Variants in CHST11 observed in about 807,000 individuals in gnomAD.
The protein encoded by CHST11 is carbohydrate sulfotransferase 11, also known as C4S-1.
CHST11 carries 9 observed loss-of-function variants against 30.4 expected under a neutral mutation model. That is an observed-to-expected ratio of 0.30 (90% CI 0.18 to 0.52). The LOEUF is 0.52. Among genes scored for constraint, CHST11 ranks in the 20% least tolerant of loss-of-function variants. The pLI is 0.97. For synonymous variants in CHST11, 152 were observed against 187.8 expected (o/e 0.81, Z 1.56); for missense variants, 348 against 460.6 (o/e 0.76, Z 2.24).
intron 2 of CHST11, among the ~76,000 whole-genome samples, chr12:104,678,194 C>CTTAG (rs1196782243): frequency 6.6e-6 from 1 of 152,206 alleles, no homozygotes; most frequent in Admixed American, 6.5e-5. Flanking sequence ...ATTGGCCTAT[C>CTTAG]TTAGGGCCCA....
intron 2 of CHST11, among the ~76,000 whole-genome samples, chr12:104,662,334 C>G (rs920882650): frequency 3.9e-5 from 6 of 152,164 alleles, no homozygotes; most frequent in Non-Finnish European, 7.3e-5. Flanking sequence ...GCAACTTTTA[C>G]CTACCTCGTG....
chr12:104,529,723 A>G (rs544076162), intron 1 of CHST11, among the ~76,000 whole-genome samples: 72 of 152,264 alleles, frequency 4.7e-4, no homozygotes, highest in African/African-American at 1.7e-3. Context: ...TATGGAAGGC[A>G]TGGCTCTTTC....
chr12:104,488,693 A>G (rs973739691), intron 1 of CHST11, among the ~76,000 whole-genome samples: 9 of 128,254 alleles, frequency 7.0e-5, no homozygotes, highest in Non-Finnish European at 1.1e-4. Flanking sequence ...GTGTATGCGT[A>G]TGTGTGTGTA....
At chr12:104,513,145 T>TGGGGGGGGGGGGGGGGGGGGGGGG (rs1565969854) in intron 1 of CHST11, among the ~76,000 whole-genome samples, 1 of 7,612 alleles carries the variant, frequency 1.3e-4, no homozygotes, top group African/African-American at 6.8e-4. Context: ...GGGTTGGGGG[T>TGGGGGGGGGGGGGGGGGGGGGGGG]GGGGAGGGAG....
chr12:104,493,150 G>A (rs149997394), intron 1 of CHST11, among the ~76,000 whole-genome samples: 1 of 152,320 alleles, frequency 6.6e-6, no homozygotes, highest in African/African-American at 2.4e-5. Flanking sequence ...ACCAAAAAAA[G>A]ATCGGAAAGT....
chr12:104,546,710 G>T (rs1416297676), intron 1 of CHST11, among the ~76,000 whole-genome samples: 1 of 152,110 alleles, frequency 6.6e-6, no homozygotes, highest in Non-Finnish European at 1.5e-5. Context: ...TTCCTGATAG[G>T]TTCCTGCAGC....
chr12:104,539,547 G>A (rs1192244501), intron 1 of CHST11, among the ~76,000 whole-genome samples: 2 of 152,144 alleles, frequency 1.3e-5, no homozygotes, highest in Admixed American at 1.3e-4. Context: ...ATTATAACAT[G>A]CTTGTAAGAA....
intron 2 of CHST11, among the ~76,000 whole-genome samples, chr12:104,651,939 C>T (rs1055281902): frequency 6.6e-6 from 1 of 152,184 alleles, no homozygotes; most frequent in Non-Finnish European, 1.5e-5. Context: ...GTTAACATTT[C>T]GTTCTCATTC....
intron 2 of CHST11, among the ~76,000 whole-genome samples, chr12:104,648,104 A>C (rs1014328852): frequency 6.6e-6 from 1 of 152,204 alleles, no homozygotes; most frequent in African/African-American, 2.4e-5. Flanking sequence ...TAAGGTATGA[A>C]TACAAGGAGG....
chr12:104,652,088 A>G (rs1351882718), intron 2 of CHST11, among the ~76,000 whole-genome samples: 1 of 152,136 alleles, frequency 6.6e-6, no homozygotes, highest in Non-Finnish European at 1.5e-5. Flanking sequence ...GGCTTGTGTG[A>G]CTGTCCCTAA....
chr12:104,499,495 C>T (rs1475391043), intron 1 of CHST11, among the ~76,000 whole-genome samples: 1 of 152,148 alleles, frequency 6.6e-6, no homozygotes, highest in African/African-American at 2.4e-5. Flanking sequence ...GTTCTGGGGC[C>T]AGACTGTGTA....
chr12:104,534,502 A>T (rs1198609356), intron 1 of CHST11, among the ~76,000 whole-genome samples: 1 of 152,226 alleles, frequency 6.6e-6, no homozygotes, highest in Non-Finnish European at 1.5e-5. Context: ...GATTTCAATG[A>T]ACTTTTTGCT....
intron 2 of CHST11, among the ~76,000 whole-genome samples, chr12:104,622,550 T>C (rs1382034728): frequency 6.6e-6 from 1 of 151,994 alleles, no homozygotes; most frequent in Non-Finnish European, 1.5e-5. Context: ...AAGATCAGAG[T>C]ATTAAATAAC....
At chr12:104,461,129 T>G (rs182529664) in intron 1 of CHST11, among the ~76,000 whole-genome samples, 1 of 152,326 alleles carries the variant, frequency 6.6e-6, no homozygotes, top group Admixed American at 6.5e-5. Context: ...CCTGCCTTCC[T>G]GAACTGTGAC....
intron 1 of CHST11, among the ~76,000 whole-genome samples, chr12:104,462,182 A>G (rs1261225022): frequency 2.7e-5 from 4 of 145,608 alleles, no homozygotes; most frequent in Non-Finnish European, 6.1e-5. Flanking sequence ...AAAAAAAAAA[A>G]AAAGAAAAAG....
rs551591807 is a variant in CHST11, at chr12:104,633,666, C to T, written c.204+31675C>T. 7.9e-5 allele frequency among the ~76,000 whole-genome samples: 12 copies of T among 152,130 alleles called. 1 individual carries two copies. The highest frequency in any genetic ancestry group is 2.0e-4 in the Admixed American group (3 of 15,286). On this transcript the variant is annotated intron_variant, in intron 2 of 2. Transcript: ENST00000303694. Reference sequence around the variant, plus strand: ...TCCTGACCAGGAGTTCCGCCTGCCTCGGCCTCCCAAAGTGCTGGGATTACA... The same window carrying T: ...TCCTGACCAGGAGTTCCGCCTGCCTTGGCCTCCCAAAGTGCTGGGATTACA...
intron 1 of CHST11, among the ~76,000 whole-genome samples, chr12:104,581,269 G>A (rs1299338623): frequency 6.6e-6 from 1 of 152,168 alleles, no homozygotes; most frequent in Admixed American, 6.5e-5. Context: ...ACAACCTCAA[G>A]CTTGGCCAGG....
chr12:104,612,932 C>T (rs1303043026), intron 2 of CHST11, among the ~76,000 whole-genome samples: 5 of 152,262 alleles, frequency 3.3e-5, no homozygotes, highest in South Asian at 2.1e-4. Context: ...CAGTAAGATA[C>T]GGAATCAGGC....
chr12:104,592,251 T>C (rs1420664819), intron 1 of CHST11, among the ~76,000 whole-genome samples: 1 of 152,140 alleles, frequency 6.6e-6, no homozygotes, highest in Non-Finnish European at 1.5e-5. Flanking sequence ...GTTTGAGGTT[T>C]GTGTCTTAAT....
Sources: allele counts gnomAD v4.1 joint callset (sites outside exome capture counted in the v4.1 genomes callset), GRCh38; gene constraint gnomAD v4.1.1; transcripts MANE v1.5; gene names NCBI Gene and HGNC (gene_info 2026-07-23, HGNC 2026-07-21).